The following GRM8 variants were observed in gnomAD, a reference collection of about 807,000 sequenced individuals.
The protein encoded by GRM8 is metabotropic glutamate receptor 8.
Under a neutral mutation model 87.2 loss-of-function variants are expected in GRM8, and 47 were observed. The observed-to-expected ratio is 0.54, with a 90% confidence interval of 0.43 to 0.69. GRM8 has a LOEUF of 0.69. Among genes scored for constraint, GRM8 ranks in the 30% least tolerant of loss-of-function variants. GRM8 has a pLI of 0.00. For missense variants in GRM8, 1,019 were observed against 1,139.2 expected (o/e 0.89, Z 1.52); for synonymous variants, 396 against 404.5 (o/e 0.98, Z 0.25).
chr7:126,767,733 G>T (rs183541991), intron 7 of GRM8, among the ~76,000 whole-genome samples: 1 of 151,918 alleles, frequency 6.6e-6, no homozygotes, highest in African/African-American at 2.4e-5. Context: ...AAAATGTGAT[G>T]AATATCCTGG....
chr7:126,730,025 T>A (rs1813420454), intron 7 of GRM8, among the ~76,000 whole-genome samples: 1 of 152,022 alleles, frequency 6.6e-6, no homozygotes, highest in African/African-American at 2.4e-5. Flanking sequence ...ACTGAGAAAG[T>A]TCAATTGGAA....
chr7:126,835,675 G>A (rs1293392869), intron 6 of GRM8, among the ~76,000 whole-genome samples: 2 of 152,214 alleles, frequency 1.3e-5, no homozygotes, highest in Non-Finnish European at 2.9e-5. Context: ...GGTTTCAGGT[G>A]ATTGGTAAGT....
intron 9 of GRM8, among the ~76,000 whole-genome samples, chr7:126,505,711 A>T (rs1810353438): frequency 6.6e-6 from 1 of 152,088 alleles, no homozygotes; most frequent in African/African-American, 2.4e-5. Context: ...ATAATTGTCA[A>T]ATAAAAACTG....
intron 7 of GRM8, among the ~76,000 whole-genome samples, chr7:126,664,832 A>G (rs1327016683): frequency 6.6e-6 from 1 of 152,190 alleles, no homozygotes; most frequent in Non-Finnish European, 1.5e-5. Context: ...ACTGCAAACT[A>G]CAGAATGGGA....
intron 3 of GRM8, among the ~76,000 whole-genome samples, chr7:126,973,790 G>A (rs1029299627): frequency 6.6e-6 from 1 of 152,142 alleles, no homozygotes; most frequent in Non-Finnish European, 1.5e-5. Context: ...TATTCTCAGT[G>A]AAATAAATGA....
At chr7:127,023,248 T>C (rs1816454123) in intron 3 of GRM8, among the ~76,000 whole-genome samples, 1 of 152,244 alleles carries the variant, frequency 6.6e-6, no homozygotes, top group East Asian at 1.9e-4. Context: ...TTATTTATAG[T>C]TTATTATTAT....
chr7:126,838,922 G>A lies in GRM8; in HGVS notation c.1156+63620C>T, dbSNP rs368665394. On this transcript the variant is annotated intron_variant, in intron 6 of 10. Coordinates refer to ENST00000339582, the MANE Select transcript of GRM8 (RefSeq NM_000845.3). Reference sequence around the variant, plus strand: ...TATTCAGGTGTACGCTTTGCCCATCGGGGAAAGCCCTAGGTGCAGGTGACT... The same window carrying A: ...TATTCAGGTGTACGCTTTGCCCATCAGGGAAAGCCCTAGGTGCAGGTGACT... Among the ~76,000 whole-genome samples, 42 of 152,278 alleles carry A rather than the reference G, an allele frequency of 2.8e-4. No individual in the cohort carries two copies. The South Asian group carries it at 5.8e-3, about 21-fold the overall frequency.
chr7:126,766,295 T>A (rs1367969611), intron 7 of GRM8, among the ~76,000 whole-genome samples: 1 of 152,124 alleles, frequency 6.6e-6, no homozygotes, highest in Non-Finnish European at 1.5e-5. Context: ...CTTCTGCTCC[T>A]ATAAACTGGA....
intron 2 of GRM8, among the ~76,000 whole-genome samples, chr7:127,180,177 T>C (rs1233449645): frequency 1.3e-5 from 2 of 152,020 alleles, no homozygotes; most frequent in Middle Eastern, 3.2e-3. Context: ...ATATTACAAC[T>C]GACACCACTG....
In GRM8 at chr7:126,613,554, G is replaced by A. The variant is rs189872301; in HGVS notation, c.1358-4056C>T. Among the ~76,000 whole-genome samples, 87 of 152,318 alleles carry A rather than the reference G, an allele frequency of 5.7e-4. 1 individual carries two copies. The highest frequency in any genetic ancestry group is 1.9e-3 in the African/African-American group (81 of 41,574). ...GACAGGACAGTGGGTGCAGCCCACC[G>A]AGTGTGAGCCAAAGCAGGGCGAGGC... On this transcript the variant is annotated intron_variant, in intron 7 of 10. Coordinates refer to ENST00000339582, the MANE Select transcript of GRM8 (RefSeq NM_000845.3).
chr7:127,021,564 T>C (rs972029719), intron 3 of GRM8, among the ~76,000 whole-genome samples: 1 of 152,028 alleles, frequency 6.6e-6, no homozygotes, highest in Non-Finnish European at 1.5e-5. Context: ...GTTTGGACAG[T>C]TCAATCAATG....
intron 7 of GRM8, among the ~76,000 whole-genome samples, chr7:126,705,840 G>C (rs1050351797): frequency 6.6e-6 from 1 of 151,932 alleles, no homozygotes; most frequent in Admixed American, 6.6e-5. Flanking sequence ...ATTTATTCAG[G>C]AGCAGCAGTA....
chr7:126,490,783 C>T (rs886514726), intron 9 of GRM8, among the ~76,000 whole-genome samples: 16 of 152,048 alleles, frequency 1.1e-4, no homozygotes, highest in Non-Finnish European at 1.8e-4. Flanking sequence ...AGACAATCAC[C>T]GTCTTTTATG....
intron 7 of GRM8, among the ~76,000 whole-genome samples, chr7:126,647,605 C>A (rs1441294525): frequency 1.3e-5 from 2 of 152,038 alleles, no homozygotes; most frequent in Non-Finnish European, 2.9e-5. Flanking sequence ...TCCTCCATTC[C>A]AAACCACTTG....
intron 1 of GRM8, among the ~76,000 whole-genome samples, chr7:127,245,968 C>A (rs1180111707): frequency 6.6e-6 from 1 of 152,090 alleles, no homozygotes; most frequent in Non-Finnish European, 1.5e-5. Flanking sequence ...TCATTTTCTA[C>A]TGGAGCAGAG....
intron 7 of GRM8, among the ~76,000 whole-genome samples, chr7:126,697,546 G>A (rs1354223027): frequency 6.6e-6 from 1 of 151,940 alleles, no homozygotes; most frequent in Non-Finnish European, 1.5e-5. Flanking sequence ...ATAAAAGAAG[G>A]AAAGTAATGC....
intron 6 of GRM8, among the ~76,000 whole-genome samples, chr7:126,829,301 G>A (rs1239556825): frequency 1.6e-4 from 23 of 139,742 alleles, no homozygotes; most frequent in Non-Finnish European, 2.9e-4. Context: ...TGACAGTGGG[G>A]TGTTAAAGTC....
intron 9 of GRM8, among the ~76,000 whole-genome samples, chr7:126,460,550 T>C (rs928106687): frequency 1.3e-5 from 2 of 151,638 alleles, no homozygotes; most frequent in Non-Finnish European, 3.0e-5. Context: ...CAAAAAGTCC[T>C]CTTCTTGCAC....
chr7:126,653,305 A>G (rs1177467277), intron 7 of GRM8, among the ~76,000 whole-genome samples: 6 of 151,024 alleles, frequency 4.0e-5, no homozygotes, highest in African/African-American at 1.5e-4. Context: ...GTCTCCAAAA[A>G]AAAAAAAAAA....
Sources: gnomAD v4.1 joint callset for allele counts (sites outside exome capture counted in the v4.1 genomes callset) on GRCh38, gnomAD v4.1.1 for gene constraint, MANE v1.5 for transcripts, NCBI Gene and HGNC (gene_info 2026-07-23, HGNC 2026-07-21) for gene names.